The following USP6NL variants were observed in gnomAD, a reference collection of about 807,000 sequenced individuals.
USP6NL encodes USP6 N-terminal like.
In USP6NL, 26 loss-of-function variants were observed where a neutral mutation model predicts 61.9. The ratio of observed to expected loss-of-function variants is 0.42; its 90% CI spans 0.31 to 0.58. The LOEUF is 0.58. Ranked by LOEUF, USP6NL falls within the 20% of genes least tolerant of loss-of-function variation. The pLI is 0.16. For synonymous variants in USP6NL, 432 were observed against 390.1 expected (o/e 1.11, Z -1.27); for missense variants, 1,114 against 1,034.3 (o/e 1.08, Z -1.06).
Position 11,537,734 on chromosome 10 carries a change from T to C in USP6NL, c.5-10167A>G, listed in dbSNP as rs943878448. On this transcript the variant is annotated intron_variant, in intron 2 of 14. Coordinates refer to ENST00000609104, the MANE Select transcript of USP6NL (RefSeq NM_014688.5). The surrounding 1 kb of genome is among the most constrained non-coding windows in gnomAD (Gnocchi z 5.1). Reference sequence around the variant, plus strand: ...AAGCTCTGCTAGCTTGGCCTCCCCTTTCCCTATGGTGAGCACTGCCGGGGT... The same window carrying C: ...AAGCTCTGCTAGCTTGGCCTCCCCTCTCCCTATGGTGAGCACTGCCGGGGT... 2.0e-5 allele frequency among the ~76,000 whole-genome samples: 3 copies of C among 152,200 alleles called. No homozygotes were observed. The highest frequency in any genetic ancestry group is 6.5e-5 in the Admixed American group (1 of 15,280).
chr10:11,555,825 A>T (rs1438906494), intron 2 of USP6NL, among the ~76,000 whole-genome samples: 1 of 152,202 alleles, frequency 6.6e-6, no homozygotes, highest in East Asian at 1.9e-4. Context: ...TCTAAACAGA[A>T]ACTATGAAAG....
intron 2 of USP6NL, among the ~76,000 whole-genome samples, chr10:11,552,470 T>A (rs1035012190): frequency 1.3e-5 from 2 of 152,230 alleles, no homozygotes; most frequent in Non-Finnish European, 2.9e-5. Context: ...GCCACATGCA[T>A]AACAATTGAT....
chr10:11,493,768 G>C (rs1407855654), intron 7 of USP6NL, among the ~76,000 whole-genome samples: 1 of 151,094 alleles, frequency 6.6e-6, no homozygotes, highest in Non-Finnish European at 1.5e-5. Context: ...TGTGCGGCCG[G>C]ACCTCTGGGC....
At chr10:11,578,721 G>C (rs2133596886) in intron 2 of USP6NL, among the ~76,000 whole-genome samples, 1 of 152,316 alleles carries the variant, frequency 6.6e-6, no homozygotes, top group East Asian at 1.9e-4. Context: ...ACAGTGATTT[G>C]AGAATGTTAT....
In USP6NL at chr10:11,460,801, T is replaced by G. The variant is rs2096211787; in HGVS notation, c.*1640A>C. 1 of 152,304 alleles carries G rather than the reference T, an allele frequency of 6.6e-6. No homozygotes were observed. The highest frequency in any genetic ancestry group is 2.1e-4 in the South Asian group (1 of 4,820). The allele number at this position is 152,304 out of a possible 1,614,324, so 9.4% of individuals were successfully genotyped here. A position where few individuals can be genotyped will look rare whatever the true frequency, so the allele number is the denominator to read the frequency against. On this transcript the variant is annotated 3_prime_UTR_variant, in exon 15 of 15. Coordinates refer to ENST00000609104, the MANE Select transcript of USP6NL (RefSeq NM_014688.5). The stretch of plus-strand genomic sequence containing the variant: ...GGAATTAATATCCTCAGCTACATAT[T>G]TATATACATTTATTTCTCAGCTTCC...
intron 2 of USP6NL, among the ~76,000 whole-genome samples, chr10:11,552,314 G>A (rs1836520447): frequency 1.3e-5 from 2 of 152,198 alleles, no homozygotes; most frequent in Non-Finnish European, 2.9e-5. Context: ...AAGTGAGTCA[G>A]GATAGTGAGT....
In USP6NL at chr10:11,600,923, G is replaced by A. The variant is rs536547101; in HGVS notation, c.-83-3206C>T. Among the ~76,000 whole-genome samples, 15 of 151,696 alleles carry A rather than the reference G, an allele frequency of 9.9e-5. No homozygotes were observed. Among genetic ancestry groups the A allele is most frequent in the Admixed American group, 2.6e-4 (4 of 15,238 alleles). ...GTGGAGGCTGCAGTAAGCCAAGATC[G>A]CACCACTGCACTCCAGCCTGGGCAA... On this transcript the variant is annotated intron_variant, in intron 1 of 14. Coordinates refer to ENST00000609104, the MANE Select transcript of USP6NL (RefSeq NM_014688.5). This position sits in a 1 kb window ranked among gnomAD's most constrained non-coding sequence, Gnocchi z 4.1.
Position 11,532,484 on chromosome 10 carries a change from T to C in USP6NL, c.5-4917A>G, listed in dbSNP as rs1049803210. On this transcript the variant is annotated intron_variant, in intron 2 of 14. Transcript: ENST00000609104. The surrounding 1 kb of genome is among the most constrained non-coding windows in gnomAD (Gnocchi z 4.1). ...ATATATTTTCAAACAAAGCTGATCATTGTTGAGGGTGAAAACACGGCTTTC... is the reference window on the plus strand; with the variant it reads ...ATATATTTTCAAACAAAGCTGATCACTGTTGAGGGTGAAAACACGGCTTTC... 2.0e-5 allele frequency among the ~76,000 whole-genome samples: 3 copies of C among 152,186 alleles called. No individual in the cohort carries two copies. Among genetic ancestry groups the C allele is most frequent in the Non-Finnish European group, 2.9e-5 (2 of 68,038 alleles).
rs982103015 is a variant in USP6NL at position 11,585,270 on chromosome 10, T to C, written c.4+12361A>G. Among the ~76,000 whole-genome samples, 1 of 152,060 alleles carries C rather than the reference T, an allele frequency of 6.6e-6. No homozygotes were observed. Among genetic ancestry groups the C allele is most frequent in the Non-Finnish European group, 1.5e-5 (1 of 68,008 alleles). Reference sequence around the variant, plus strand: ...GAGCAATGTAAGCCGGTGCAACCACTATGGAAAACAGTATGGCAGTTCCTT... The same window carrying C: ...GAGCAATGTAAGCCGGTGCAACCACCATGGAAAACAGTATGGCAGTTCCTT... On this transcript the variant is annotated intron_variant, in intron 2 of 14. Transcript: ENST00000609104. The surrounding 1 kb of genome is among the most constrained non-coding windows in gnomAD (Gnocchi z 4.5).
intron 3 of USP6NL, among the ~76,000 whole-genome samples, chr10:11,526,511 T>A (rs1835426417): frequency 6.6e-6 from 1 of 152,244 alleles, no homozygotes; most frequent in Non-Finnish European, 1.5e-5. Context: ...ATAAGTTAAC[T>A]GAGTTTTTCA....
rs1480584551 is a variant in USP6NL at position 11,591,960 on chromosome 10, C to G, written c.4+5671G>C. ...TCTCAGCTCACTGCAACCTCCACCT[C>G]CTGGGTTCAAGCAATTCTCCTGCCT... On this transcript the variant is annotated intron_variant, in intron 2 of 14. Coordinates refer to ENST00000609104, the MANE Select transcript of USP6NL (RefSeq NM_014688.5). This position sits in a 1 kb window ranked among gnomAD's most constrained non-coding sequence, Gnocchi z 4.7. 3.3e-5 allele frequency among the ~76,000 whole-genome samples: 5 copies of G among 152,172 alleles called. No individual in the cohort carries two copies. The highest frequency in any genetic ancestry group is 7.2e-5 in the African/African-American group (3 of 41,426).
At position 11,595,963 on chromosome 10, in the gene USP6NL, T is replaced by C. The variant is rs1219651212; in HGVS notation, c.4+1668A>G. On this transcript the variant is annotated intron_variant, in intron 2 of 14. Coordinates refer to ENST00000609104, the MANE Select transcript of USP6NL (RefSeq NM_014688.5). This position sits in a 1 kb window ranked among gnomAD's most constrained non-coding sequence, Gnocchi z 5.3. ...TTAAAGGTGAAAAATGTTATGTGGT[T>C]CAAACACTATTAGTTGCTTGGCAAG... Among the ~76,000 whole-genome samples the C allele has an allele frequency of 6.6e-6, 1 of 152,210 alleles. No individual in the cohort carries two copies. Among genetic ancestry groups the C allele is most frequent in the Non-Finnish European group, 1.5e-5 (1 of 68,040 alleles).
At chr10:11,583,471 G>C (rs537256999) in intron 2 of USP6NL, among the ~76,000 whole-genome samples, 53 of 152,030 alleles carry the variant, frequency 3.5e-4, no homozygotes, top group Non-Finnish European at 5.7e-4. Context: ...GATTACAGGC[G>C]TGAGCCACCG....
chr10:11,580,800 T>C (rs79299738), intron 2 of USP6NL, among the ~76,000 whole-genome samples: 1 of 152,124 alleles, frequency 6.6e-6, no homozygotes, highest in East Asian at 1.9e-4. Flanking sequence ...GTATAAAATA[T>C]CATGATTTCA....
intron 1 of USP6NL, among the ~76,000 whole-genome samples, chr10:11,609,827 G>T (rs377165843): frequency 2.5e-4 from 38 of 152,296 alleles, no homozygotes; most frequent in African/African-American, 7.7e-4. Flanking sequence ...ACCTAACAGT[G>T]CCAAATCTGA....
rs1836016839 is a variant in USP6NL at position 11,540,774 on chromosome 10, C to T, written c.5-13207G>A. Among the ~76,000 whole-genome samples, 1 of 152,094 alleles carries T rather than the reference C, an allele frequency of 6.6e-6. No individual in the cohort carries two copies. The highest frequency in any genetic ancestry group is 6.5e-5 in the Admixed American group (1 of 15,286). On this transcript the variant is annotated intron_variant, in intron 2 of 14. Transcript: ENST00000609104. The surrounding 1 kb of genome is among the most constrained non-coding windows in gnomAD (Gnocchi z 5.0). ...AAGCCAAACTGTGCCTAAAATGACA[C>T]TCAAAAACAAGAACGAGGTATTGCC...
In USP6NL at chr10:11,536,091, T is replaced by C. The variant is rs560385287; in HGVS notation, c.5-8524A>G. 5.3e-5 allele frequency among the ~76,000 whole-genome samples: 8 copies of C among 152,316 alleles called. No individual in the cohort carries two copies. In the East Asian group the frequency reaches 7.7e-4, roughly 15 times the overall value. ...CAACAAGAGTCTGAAATACCACTTA[T>C]TTTGACTGGTCACTCTGGTCAAGAT... On this transcript the variant is annotated intron_variant, in intron 2 of 14. Transcript: ENST00000609104.
chr10:11,549,099 A>C (rs188258995), intron 2 of USP6NL, among the ~76,000 whole-genome samples: 51 of 152,226 alleles, frequency 3.4e-4, no homozygotes, highest in African/African-American at 1.1e-3. Flanking sequence ...AAGACTATTA[A>C]ATTACTCTAA....
At chr10:11,519,034 T>C (rs1380408439) in intron 4 of USP6NL, among the ~76,000 whole-genome samples, 2 of 152,212 alleles carry the variant, frequency 1.3e-5, no homozygotes, top group African/African-American at 4.8e-5. Flanking sequence ...CGGTAAGTAT[T>C]TGAGACTTTC....
Sources: allele counts gnomAD v4.1 joint callset (sites outside exome capture counted in the v4.1 genomes callset), GRCh38; gene constraint gnomAD v4.1.1; non-coding constraint Gnocchi (gnomAD v3.1); transcripts MANE v1.5; gene names NCBI Gene and HGNC (gene_info 2026-07-23, HGNC 2026-07-21).